Variants in SYAP1 observed in about 807,000 individuals in gnomAD.
The protein encoded by SYAP1 is synapse associated protein 1.
A neutral mutation model predicts 29.6 loss-of-function variants in SYAP1; 3 were observed. The observed-to-expected ratio is 0.10, with a 90% CI of 0.05 to 0.26. SYAP1 has a LOEUF of 0.26. SYAP1 is among the 10% of genes least tolerant of loss of function. SYAP1 has a pLI of 1.00. For missense variants in SYAP1, 217 were observed against 264.1 expected (o/e 0.82, Z 1.24); for synonymous variants, 102 against 102.7 (o/e 0.99, Z 0.04).
At chrX:16,754,686 C>G (rs899517571) in intron 5 of SYAP1, among the ~76,000 whole-genome samples, 1 of 110,281 alleles carries the variant, frequency 9.1e-6, no homozygotes, top group Non-Finnish European at 1.9e-5. Flanking sequence ...TGAGATCACA[C>G]CACTGCACTC....
At position 16,732,447 on chromosome X, in the gene SYAP1, T is replaced by C. The variant is rs184186778; in HGVS notation, c.176-2780T>C. On this transcript the variant is annotated intron_variant, in intron 1 of 8. Transcript: ENST00000380155. ...ACCCAGGCGCCCAGCTAATGTTTTG[T>C]ATTTTTAGTAGAGACGGGGTTTCAC... Among the ~76,000 whole-genome samples, 245 of 108,524 alleles carry C rather than the reference T, an allele frequency of 2.3e-3. 1 individual carries two copies. Among genetic ancestry groups the C allele is most frequent in the African/African-American group, 7.5e-3 (223 of 29,697 alleles). The allele number at this position is 108,524 out of a possible 115,157, so 94.2% of individuals were successfully genotyped here. A position where few individuals can be genotyped will look rare whatever the true frequency, so the allele number is the denominator to read the frequency against.
At chrX:16,728,987 C>T (rs982238031) in intron 1 of SYAP1, among the ~76,000 whole-genome samples, 1 of 103,847 alleles carries the variant, frequency 9.6e-6, no homozygotes, top group Non-Finnish European at 2.0e-5. Context: ...TGCAGTGAGC[C>T]GAGATCACAC....
chrX:16,748,773 GAGAC>G (rs1312011839), intron 5 of SYAP1, among the ~76,000 whole-genome samples: 1 of 63,669 alleles, frequency 1.6e-5, no homozygotes, highest in African/African-American at 6.0e-5. Flanking sequence ...TTTTTTTTTT[GAGAC>G]AGAGTCTCGC....
intron 5 of SYAP1, among the ~76,000 whole-genome samples, chrX:16,749,196 C>T (rs1174448050): frequency 9.0e-6 from 1 of 111,144 alleles, no homozygotes; most frequent in Non-Finnish European, 1.9e-5. Flanking sequence ...GCTGGGATTA[C>T]AGGCACATGC....
intron 1 of SYAP1, among the ~76,000 whole-genome samples, chrX:16,733,872 T>C (rs1192794572): frequency 9.1e-6 from 1 of 109,733 alleles, no homozygotes; most frequent in Non-Finnish European, 1.9e-5. Context: ...TTCACCATGT[T>C]GGTCAGACTG....
intron 8 of SYAP1, among the ~76,000 whole-genome samples, chrX:16,758,289 G>A (rs1168998902): frequency 9.2e-6 from 1 of 108,840 alleles, no homozygotes; most frequent in Non-Finnish European, 1.9e-5. Context: ...AAGCAATCTT[G>A]CCACCTCAGT....
chrX:16,726,838 A>T (rs1926091442), intron 1 of SYAP1, among the ~76,000 whole-genome samples: 1 of 111,556 alleles, frequency 9.0e-6, no homozygotes, highest in Non-Finnish European at 1.9e-5. Flanking sequence ...ACATAATAGT[A>T]TGTAACAGCA....
Position 16,757,309 on chromosome X carries a change from G to A in SYAP1, c.931G>A (p.Glu311Lys). Residue 311 changes from glutamate (E) to lysine (K), a missense_variant and splice_region_variant, in exon 8 of 9, where the codon GAG becomes AAG. Physicochemically the swap from Glu to Lys is moderately conservative, Grantham distance 56. Coordinates refer to ENST00000380155, the MANE Select transcript of SYAP1 (RefSeq NM_032796.4). ...GCAAGAGGAGACAGCCGTACTGGAA[G>A]GTAAAAAACAAAACAAATCAAAGCA... The part of the protein sequence containing the change: ...KKQEETAVLE[E>K]DSADWEKELQ... The A allele has an allele frequency of 1.7e-6, 2 of 1,193,387 alleles. No individual in the cohort carries two copies. The highest frequency in any genetic ancestry group is 2.3e-6 in the Non-Finnish European group (2 of 887,644).
intron 5 of SYAP1, among the ~76,000 whole-genome samples, chrX:16,750,459 G>A (rs920319199): frequency 1.5e-4 from 17 of 111,508 alleles, no homozygotes; most frequent in African/African-American, 5.2e-4. Context: ...ATCTATGATG[G>A]CAGACAACTT....
chrX:16,724,235 G>A (rs765368563), intron 1 of SYAP1, among the ~76,000 whole-genome samples: 11 of 112,029 alleles, frequency 9.8e-5, no homozygotes, highest in Non-Finnish European at 1.3e-4. Flanking sequence ...CTCTAGCAAG[G>A]AGTTGTGACA....
intron 3 of SYAP1, among the ~76,000 whole-genome samples, chrX:16,736,885 G>A (rs1321989270): frequency 2.7e-5 from 3 of 111,715 alleles, no homozygotes; most frequent in Admixed American, 9.6e-5. Flanking sequence ...TGGTGGCTCC[G>A]TTCCTGCTGT....
intron 3 of SYAP1, among the ~76,000 whole-genome samples, chrX:16,737,166 C>A (rs1926349316): frequency 9.0e-6 from 1 of 111,449 alleles, no homozygotes; most frequent in Non-Finnish European, 1.9e-5. Context: ...ATCACTTGAG[C>A]CTGAACTTCG....
At chrX:16,745,497 T>C (rs1926579443) in intron 5 of SYAP1, among the ~76,000 whole-genome samples, 1 of 110,729 alleles carries the variant, frequency 9.0e-6, no homozygotes, top group Non-Finnish European at 1.9e-5. Context: ...TCCAGGACTT[T>C]GGGAGGCCAA....
chrX:16,757,580 G>A (rs1464340626), intron 8 of SYAP1, among the ~76,000 whole-genome samples: 1 of 110,124 alleles, frequency 9.1e-6, no homozygotes, highest in African/African-American at 3.3e-5. Flanking sequence ...AAAATTAGCC[G>A]GGCCTGGTGG....
chrX:16,750,928 C>G (rs988331556), intron 5 of SYAP1, among the ~76,000 whole-genome samples: 1 of 108,304 alleles, frequency 9.2e-6, no homozygotes, highest in Non-Finnish European at 1.9e-5. Flanking sequence ...CCACCACGCC[C>G]GGCTAATTTT....
chrX:16,736,190 G>A lies in SYAP1; in HGVS notation c.319G>A (p.Glu107Lys). 8.4e-7 allele frequency: 1 copy of A among 1,190,918 alleles called. No individual in the cohort carries two copies. The highest frequency in any genetic ancestry group is 1.1e-6 in the Non-Finnish European group (1 of 877,305). The change falls in exon 3 of 9, where the codon GAA becomes AAA. Residue 107 changes from glutamate to lysine, a missense_variant. Physicochemically the swap from Glu to Lys is moderately conservative, Grantham distance 56. Coordinates refer to ENST00000380155, the MANE Select transcript of SYAP1 (RefSeq NM_032796.4). Reference sequence around the variant, plus strand: ...GACAATTATAGGAGATTTTCAGAAGGAACAGAAAAAATTTGTTGAAGAGCA... The same window carrying A: ...GACAATTATAGGAGATTTTCAGAAGAAACAGAAAAAATTTGTTGAAGAGCA... ...DKTIIGDFQK[E>K]QKKFVEEQHT...
At chrX:16,747,478 G>T (rs1422039922) in intron 5 of SYAP1, among the ~76,000 whole-genome samples, 1 of 112,211 alleles carries the variant, frequency 8.9e-6, no homozygotes, top group Admixed American at 9.5e-5. Flanking sequence ...TCCTGCTGTG[G>T]CTCTCAAGAC....
chrX:16,756,130 T>C (rs1391991678), intron 6 of SYAP1, among the ~76,000 whole-genome samples: 1 of 112,071 alleles, frequency 8.9e-6, no homozygotes, highest in East Asian at 2.7e-4. Context: ...TACTGCCTTG[T>C]TTAACAAAAT....
At chrX:16,719,947 C>T (rs1356780335) in intron 1 of SYAP1, 48 bp downstream of exon 1, 1 of 1,133,575 alleles carries the variant, frequency 8.8e-7, no homozygotes, top group Non-Finnish European at 1.2e-6. Flanking sequence ...GCGCATTCCT[C>T]CTCTGGGACG....
Sources: allele counts gnomAD v4.1 joint callset (sites outside exome capture counted in the v4.1 genomes callset), GRCh38; gene constraint gnomAD v4.1.1; transcripts MANE v1.5; gene names NCBI Gene and HGNC (gene_info 2026-07-23, HGNC 2026-07-21).